STARD10: variants seen among roughly 807,000 people sequenced by gnomAD.
The protein encoded by STARD10 is START domain-containing protein 10.
Under a neutral mutation model 36.0 loss-of-function variants are expected in STARD10, and 24 were observed. The ratio of observed to expected loss-of-function variants is 0.67; its 90% CI spans 0.48 to 0.94. The LOEUF (loss-of-function observed/expected upper bound fraction) is 0.94. Among genes scored for constraint, STARD10 ranks in the 40% least tolerant of loss-of-function variants. STARD10 has a pLI of 0.00. For synonymous variants in STARD10, 156 were observed against 161.9 expected (o/e 0.96, Z 0.28); for missense variants, 335 against 396.6 (o/e 0.84, Z 1.32).
rs115873494 is a variant in STARD10 at position 72,770,820 on chromosome 11, C to A, written c.207+10155G>T. On this transcript the variant is annotated intron_variant, in intron 2 of 6. Coordinates refer to ENST00000334805, the MANE Select transcript of STARD10 (RefSeq NM_006645.3). ...AGATGAAAGGGAGGGGGAAGGGGCT[C>A]CCGGCAGAGGTGATGGCCTGAGAAC... is the stretch of plus-strand genomic sequence containing the variant. Among the ~76,000 whole-genome samples the A allele has an allele frequency of 5.9e-5, 9 of 151,974 alleles. 1 individual carries two copies. Among genetic ancestry groups the A allele is most frequent in the African/African-American group, 2.2e-4 (9 of 41,346 alleles).
chr11:72,757,793 GT>G lies in STARD10; in HGVS notation c.550del (p.Thr184ProfsTer17), dbSNP rs1180692250. ...QSTGPKSCVITYLAQVDPKGS... is the reference protein window; with the variant it reads ...QSTGPKSCVIXYLAQVDPKGS... ...TTTGGGGTCCACCTGGGCCAGGTAG[GT>G]GATGACGCAGCTCTTGGGCCCTGTG... On this transcript the variant is annotated frameshift_variant, in exon 5 of 7. Coordinates refer to ENST00000334805, the MANE Select transcript of STARD10 (RefSeq NM_006645.3). LOFTEE classifies it high-confidence loss of function. 5 of 1,614,070 alleles carry G rather than the reference GT, an allele frequency of 3.1e-6. No individual in the cohort carries two copies. The highest frequency in any genetic ancestry group is 4.2e-6 in the Non-Finnish European group (5 of 1,180,028).
At chr11:72,758,358 C>T (rs1219313961) in intron 4 of STARD10, among the ~76,000 whole-genome samples, 172 bp downstream of exon 4, 3 of 152,222 alleles carry the variant, frequency 2.0e-5, no homozygotes, top group South Asian at 4.1e-4. Context: ...CTGATCTGCT[C>T]AAGAGACCCA....
chr11:72,793,732 G>A lies in STARD10; in HGVS notation c.-971C>T, dbSNP rs987304170. ...GCAGGCGCTCTTTGGTGTTTACAGC[G>A]GCCGCGAAGCCCCGCGTTTGCGCGT... On this transcript the variant is annotated 5_prime_UTR_variant, in exon 1 of 7. Transcript: ENST00000334805. 2 of 152,182 alleles carry A rather than the reference G, an allele frequency of 1.3e-5. No individual in the cohort carries two copies. The highest frequency in any genetic ancestry group is 2.9e-5 in the Non-Finnish European group (2 of 68,028). The allele number at this position is 152,182 out of a possible 1,614,324, so 9.4% of individuals were successfully genotyped here. A position where few individuals can be genotyped will look rare whatever the true frequency, so the allele number is the denominator to read the frequency against.
At chr11:72,776,561 A>C (rs1483126098) in intron 2 of STARD10, among the ~76,000 whole-genome samples, 1 of 152,108 alleles carries the variant, frequency 6.6e-6, no homozygotes, top group Non-Finnish European at 1.5e-5. Context: ...GAGTGGCGAG[A>C]TCTCAGCCTT....
intron 1 of STARD10, among the ~76,000 whole-genome samples, chr11:72,787,135 C>T (rs935147856): frequency 6.6e-6 from 1 of 150,432 alleles, no homozygotes. Flanking sequence ...CACAGAGAGG[C>T]TAAGTAACTT....
rs957641361 is a variant in STARD10, at chr11:72,781,164, G to A, written c.18C>T (p.Ala6=). ...GCCGAGGCCCTTGGGGCTCTGTAGAGGCCGCCAGCTTCTCCATGGGGAGTG... is the reference window on the plus strand; with the variant it reads ...GCCGAGGCCCTTGGGGCTCTGTAGAAGCCGCCAGCTTCTCCATGGGGAGTG... MEKLA[A]STEPQGPRPV... The change falls in exon 2 of 7, where the codon GCC becomes GCT. Residue 6 remains alanine (A), a synonymous_variant. Transcript: ENST00000334805. The surrounding 1 kb of genome is among the most constrained non-coding windows in gnomAD (Gnocchi z 4.7). 3 of 1,611,290 alleles carry A rather than the reference G, an allele frequency of 1.9e-6. No individual in the cohort carries two copies. The highest frequency in any genetic ancestry group is 2.5e-6 in the Non-Finnish European group (3 of 1,179,920).
intron 2 of STARD10, among the ~76,000 whole-genome samples, chr11:72,778,117 T>C (rs1858949374): frequency 6.6e-6 from 1 of 152,190 alleles, no homozygotes; most frequent in South Asian, 2.1e-4. Flanking sequence ...AATAGGATGA[T>C]GAGAACAACG....
intron 2 of STARD10, among the ~76,000 whole-genome samples, chr11:72,762,237 TTTC>T (rs796645469): frequency 1.6e-4 from 25 of 152,226 alleles, no homozygotes; most frequent in African/African-American, 5.3e-4. Flanking sequence ...CTTGTCTATA[TTTC>T]TTATTATCTA....
In STARD10 at chr11:72,757,846, GGA is replaced by G; in HGVS notation, c.496_497del (p.Ser166HisfsTer36). The part of the protein sequence containing the change: ...PPRKDLVRAV[S>X]IQTGYLIQST... ...TCTGGATGAGGTAGCCCGTCTGGAT[GGA>G]CACAGCTCGGACCAAGTCTTTCCGA... On this transcript the variant is annotated frameshift_variant, in exon 5 of 7. Transcript: ENST00000334805. LOFTEE classifies it high-confidence loss of function. 1 of 1,614,216 alleles carries G rather than the reference GGA, an allele frequency of 6.2e-7. No homozygotes were observed. The highest frequency in any genetic ancestry group is 8.5e-7 in the Non-Finnish European group (1 of 1,180,024).
At position 72,764,536 on chromosome 11, in the gene STARD10, G is replaced by T. The variant is rs749967881; in HGVS notation, c.208-5155C>A. Among the ~76,000 whole-genome samples the T allele has an allele frequency of 1.4e-4, 22 of 152,368 alleles. No individual in the cohort carries two copies. In the East Asian group the frequency reaches 4.0e-3, roughly 28 times the overall value. Reference sequence around the variant, plus strand: ...GAGGCAGGCCGGGTCGTGGGGGTCAGGTAAGTGTCCACAGGCCTCCCTAGC... The same window carrying T: ...GAGGCAGGCCGGGTCGTGGGGGTCATGTAAGTGTCCACAGGCCTCCCTAGC... On this transcript the variant is annotated intron_variant, in intron 2 of 6. Transcript: ENST00000334805.
intron 2 of STARD10, among the ~76,000 whole-genome samples, chr11:72,762,140 G>C (rs1858726620): frequency 6.6e-6 from 1 of 151,580 alleles, no homozygotes; most frequent in Non-Finnish European, 1.5e-5. Flanking sequence ...TGGCCAGGCT[G>C]GTCTCAAACT....
intron 2 of STARD10, among the ~76,000 whole-genome samples, chr11:72,777,462 T>G (rs999361576): frequency 6.6e-6 from 1 of 152,190 alleles, no homozygotes; most frequent in Non-Finnish European, 1.5e-5. Context: ...AAGCTCTTGG[T>G]CTCCCGTTTC....
At chr11:72,792,181 C>T (rs964386067) in intron 1 of STARD10, among the ~76,000 whole-genome samples, 13 of 151,748 alleles carry the variant, frequency 8.6e-5, no homozygotes, top group Admixed American at 3.3e-4. Context: ...TCCCGAGTAG[C>T]TGGGACTACA....
chr11:72,791,144 C>T (rs1159156142), intron 1 of STARD10, among the ~76,000 whole-genome samples: 1 of 152,170 alleles, frequency 6.6e-6, no homozygotes, highest in East Asian at 1.9e-4. Flanking sequence ...AGTCCCAAGG[C>T]TTAGCATCCC....
Position 72,754,887 on chromosome 11 carries a change from G to T in STARD10, c.*10C>A, listed in dbSNP as rs1322344310. The T allele has an allele frequency of 1.9e-6, 3 of 1,593,580 alleles. No individual in the cohort carries two copies. Among genetic ancestry groups the T allele is most frequent in the Admixed American group, 1.7e-5 (1 of 59,660 alleles). On this transcript the variant is annotated 3_prime_UTR_variant, in exon 7 of 7. Transcript: ENST00000334805. ...CCGGTCCTGTCTCCGTCCCTGAAGC[G>T]GTGCGGCGCTCAGGTGAGCGAGGTG...
chr11:72,759,096 G>T, intron 3 of STARD10, 138 bp downstream of exon 3: 1 of 1,024,040 alleles, frequency 9.8e-7, no homozygotes, highest in Non-Finnish European at 1.4e-6. Context: ...AGGGAGGGCA[G>T]CTCTATCTCT....
At chr11:72,777,970 CA>C (rs1335213754) in intron 2 of STARD10, among the ~76,000 whole-genome samples, 2 of 152,138 alleles carry the variant, frequency 1.3e-5, no homozygotes, top group Admixed American at 6.5e-5. Flanking sequence ...GGCAGAAGCT[CA>C]GCAAACACCT....
chr11:72,782,736 C>A (rs1482986886), intron 1 of STARD10, among the ~76,000 whole-genome samples: 1 of 152,182 alleles, frequency 6.6e-6, no homozygotes, highest in Non-Finnish European at 1.5e-5. Context: ...GAGGCTCCCC[C>A]CTGCCCCCTG....
intron 2 of STARD10, among the ~76,000 whole-genome samples, chr11:72,765,447 T>C (rs1456545386): frequency 6.6e-6 from 1 of 151,752 alleles, no homozygotes; most frequent in African/African-American, 2.4e-5. Context: ...CCAATTCCCA[T>C]GAAGCCACAA....
Sources: gnomAD v4.1 joint callset for allele counts (sites outside exome capture counted in the v4.1 genomes callset) on GRCh38, gnomAD v4.1.1 for gene constraint, Gnocchi (gnomAD v3.1) non-coding constraint, MANE v1.5 for transcripts, NCBI Gene and HGNC (gene_info 2026-07-23, HGNC 2026-07-21) for gene names.